The following MID1 variants were observed in gnomAD, a reference collection of about 807,000 sequenced individuals.
MID1 encodes the protein midline 1.
A neutral mutation model predicts 40.4 loss-of-function variants in MID1; 7 were observed. That is an observed-to-expected ratio of 0.17 (90% CI 0.10 to 0.33). The LOEUF (loss-of-function observed/expected upper bound fraction) is 0.33, where lower values mean the gene tolerates loss of function less well. Ranked by LOEUF, MID1 falls within the 10% of genes least tolerant of loss-of-function variation. MID1 has a pLI of 1.00. For synonymous variants in MID1, 229 were observed against 221.2 expected (o/e 1.04, Z -0.31); for missense variants, 367 against 558.5 (o/e 0.66, Z 3.46).
intron 1 of MID1, among the ~76,000 whole-genome samples, chrX:10,799,490 A>C (rs1158532884): frequency 8.9e-6 from 1 of 112,178 alleles, no homozygotes; most frequent in African/African-American, 3.2e-5. Flanking sequence ...TGACACTATA[A>C]GGCCAGATCC....
rs998137990 is a variant in MID1 at position 10,445,743 on chromosome X, C to T, written c.*3625G>A. 4 of 111,612 alleles carry T rather than the reference C, an allele frequency of 3.6e-5. No individual in the cohort carries two copies. Among genetic ancestry groups the T allele is most frequent in the African/African-American group, 1.3e-4 (4 of 30,685 alleles). The allele number at this position is 111,612 out of a possible 1,213,427, so 9.2% of individuals were successfully genotyped here. A position where few individuals can be genotyped will look rare whatever the true frequency, so the allele number is the denominator to read the frequency against. On this transcript the variant is annotated 3_prime_UTR_variant, in exon 10 of 10. Coordinates refer to ENST00000317552, the MANE Select transcript of MID1 (RefSeq NM_000381.4). Reference sequence around the variant, plus strand: ...AGCTGATACAGATGATGATACTTATCAGTGATTCCCATTTACACAGGCTTG... The same window carrying T: ...AGCTGATACAGATGATGATACTTATTAGTGATTCCCATTTACACAGGCTTG...
intron 3 of MID1, among the ~76,000 whole-genome samples, chrX:10,497,331 G>A (rs1931308012): frequency 8.9e-6 from 1 of 111,911 alleles, no homozygotes; most frequent in African/African-American, 3.3e-5. Flanking sequence ...ACTTTCTCCT[G>A]GGCCCTTCTG....
chrX:10,458,555 C>T (rs754838480), intron 8 of MID1, among the ~76,000 whole-genome samples: 1 of 111,955 alleles, frequency 8.9e-6, no homozygotes, highest in Non-Finnish European at 1.9e-5. Flanking sequence ...TAAGGGTGTA[C>T]AGAACTCTCT....
At chrX:10,451,674 C>T (rs1004617579) in intron 9 of MID1, among the ~76,000 whole-genome samples, 11 of 111,498 alleles carry the variant, frequency 9.9e-5, no homozygotes, top group Non-Finnish European at 1.9e-4. Context: ...GTGTTGTTCT[C>T]GTGATAGTGA....
intron 1 of MID1, among the ~76,000 whole-genome samples, chrX:10,646,170 C>T (rs748997771): frequency 5.3e-5 from 6 of 112,210 alleles, no homozygotes; most frequent in African/African-American, 1.9e-4. Flanking sequence ...CAGACACAGG[C>T]TAAGACAAGC....
chrX:10,717,603 T>G (rs1431729895), intron 1 of MID1, among the ~76,000 whole-genome samples: 2 of 109,613 alleles, frequency 1.8e-5, no homozygotes, highest in Non-Finnish European at 1.9e-5. Flanking sequence ...AATGGGAGAC[T>G]TTAACACCCC....
intron 1 of MID1, among the ~76,000 whole-genome samples, chrX:10,817,562 T>TTCTTTCTTTCTG (rs1569177964): frequency 1.0e-5 from 1 of 98,553 alleles, no homozygotes; most frequent in Non-Finnish European, 2.0e-5. Context: ...CTTTCTTTCT[T>TTCTTTCTTTCTG]TCTTTCTTTC....
chrX:10,824,262 A>C (rs1400313837), intron 1 of MID1, among the ~76,000 whole-genome samples: 2 of 111,916 alleles, frequency 1.8e-5, no homozygotes, highest in African/African-American at 6.5e-5. Flanking sequence ...TCTCTGCAAG[A>C]GCTTTATTTG....
intron 1 of MID1, among the ~76,000 whole-genome samples, chrX:10,643,805 C>T (rs1936230923): frequency 9.0e-6 from 1 of 111,516 alleles, no homozygotes; most frequent in African/African-American, 3.3e-5. Flanking sequence ...CACATATACA[C>T]CATGGAATAC....
Position 10,490,549 on chromosome X carries a change from G to A in MID1, c.864+5035C>T, listed in dbSNP as rs148638961. 3.2e-3 allele frequency among the ~76,000 whole-genome samples: 360 copies of A among 111,369 alleles called. 12 individuals are homozygous for A. In the East Asian group the frequency reaches 0.085, roughly 26 times the overall value. On this transcript the variant is annotated intron_variant, in intron 4 of 9. Coordinates refer to ENST00000317552, the MANE Select transcript of MID1 (RefSeq NM_000381.4). Reference sequence around the variant, plus strand: ...TAGTTGAGCCATCCTTGTATTATAAGAATAAAGGCTATTTTGATGTGTTTA... The same window carrying A: ...TAGTTGAGCCATCCTTGTATTATAAAAATAAAGGCTATTTTGATGTGTTTA...
At position 10,574,371 on chromosome X, in the gene MID1, C is replaced by T. The variant is rs181824672; in HGVS notation, c.-56-6768G>A. ...GAAATGAATTCTCCCCAAGGGCCCC[C>T]AAAAGGAATACAGCCCTAAAGATAC... On this transcript the variant is annotated intron_variant, in intron 1 of 9. Coordinates refer to ENST00000317552, the MANE Select transcript of MID1 (RefSeq NM_000381.4). 7.2e-5 allele frequency among the ~76,000 whole-genome samples: 8 copies of T among 111,824 alleles called. No homozygotes were observed. The East Asian group carries it at 2.3e-3, about 31-fold the overall frequency.
chrX:10,833,127 C>G (rs767456831), intron 1 of MID1, among the ~76,000 whole-genome samples: 1 of 112,092 alleles, frequency 8.9e-6, no homozygotes, highest in East Asian at 2.8e-4. Context: ...TTCAGACTGC[C>G]TTTTTAGTGA....
chrX:10,767,915 A>C (rs1281550608), intron 1 of MID1, among the ~76,000 whole-genome samples: 1 of 111,976 alleles, frequency 8.9e-6, no homozygotes, highest in East Asian at 2.8e-4. Flanking sequence ...TAGATTTATA[A>C]AAGTTGTTTA....
intron 1 of MID1, among the ~76,000 whole-genome samples, chrX:10,668,718 C>T (rs980222746): frequency 1.2e-4 from 14 of 112,105 alleles, no homozygotes; most frequent in African/African-American, 4.2e-4. Context: ...ACTAATTTTT[C>T]CTTGTGGTAC....
intron 2 of MID1, among the ~76,000 whole-genome samples, chrX:10,556,095 CAA>C (rs34757461): frequency 4.2e-5 from 4 of 94,249 alleles, no homozygotes; most frequent in African/African-American, 1.1e-4. Flanking sequence ...GGCAACCCTA[CAA>C]AAAAAAAAAA....
chrX:10,729,130 C>T (rs1244017736), intron 1 of MID1, among the ~76,000 whole-genome samples: 1 of 111,900 alleles, frequency 8.9e-6, no homozygotes, highest in African/African-American at 3.2e-5. Context: ...CTTCTGTCAT[C>T]CGTGCTCACT....
At chrX:10,497,018 A>G (rs1391120828) in intron 3 of MID1, among the ~76,000 whole-genome samples, 4 of 112,552 alleles carry the variant, frequency 3.6e-5, no homozygotes, top group African/African-American at 6.5e-5. Context: ...ACTCAGGCTA[A>G]TATTTCAAGG....
At chrX:10,740,308 T>G (rs1022172422) in intron 1 of MID1, among the ~76,000 whole-genome samples, 1 of 112,659 alleles carries the variant, frequency 8.9e-6, no homozygotes, top group Admixed American at 9.3e-5. Context: ...TGCTATGAGG[T>G]AGGAATATTA....
chrX:10,790,525 C>G (rs143895915), intron 1 of MID1, among the ~76,000 whole-genome samples: 111 of 110,366 alleles, frequency 1.0e-3, no homozygotes, highest in African/African-American at 3.4e-3. Context: ...AATGGACATC[C>G]AGGTATTTTC....
Sources: allele counts gnomAD v4.1 joint callset (sites outside exome capture counted in the v4.1 genomes callset), GRCh38; gene constraint gnomAD v4.1.1; transcripts MANE v1.5; gene names NCBI Gene and HGNC (gene_info 2026-07-23, HGNC 2026-07-21).